The following KAT2B variants were observed in gnomAD, a reference collection of about 807,000 sequenced individuals.
The protein encoded by KAT2B is histone acetyltransferase KAT2B.
Under a neutral mutation model 105.9 loss-of-function variants are expected in KAT2B, and 36 were observed. That is an observed-to-expected ratio of 0.34 (90% CI 0.26 to 0.45). The LOEUF is 0.45. KAT2B is among the 20% of genes least tolerant of loss of function. The pLI is 1.00. For missense variants in KAT2B, 820 were observed against 1,021.6 expected (o/e 0.80, Z 2.69); for synonymous variants, 397 against 377.9 (o/e 1.05, Z -0.59).
intron 1 of KAT2B, among the ~76,000 whole-genome samples, chr3:20,053,484 G>A (rs979704729): frequency 6.6e-5 from 10 of 152,200 alleles, no homozygotes; most frequent in Non-Finnish European, 5.9e-5. Flanking sequence ...GTGGTGAGCC[G>A]TGAGTGTGCT....
intron 2 of KAT2B, among the ~76,000 whole-genome samples, chr3:20,089,198 T>G (rs1180019043): frequency 2.6e-5 from 4 of 152,190 alleles, no homozygotes; most frequent in African/African-American, 4.8e-5. Context: ...TCAAGATTGC[T>G]TTGGCTATTT....
At chr3:20,083,394 A>G (rs546257167) in intron 2 of KAT2B, among the ~76,000 whole-genome samples, 2 of 152,232 alleles carry the variant, frequency 1.3e-5, no homozygotes, top group Non-Finnish European at 2.9e-5. Flanking sequence ...TTCTTTTAAT[A>G]ATGAATGACT....
intron 5 of KAT2B, among the ~76,000 whole-genome samples, chr3:20,103,817 G>A (rs1308611573): frequency 6.6e-6 from 1 of 152,196 alleles, no homozygotes; most frequent in Non-Finnish European, 1.5e-5. Context: ...AAATTGGTTT[G>A]GATGAGTGCT....
intron 8 of KAT2B, among the ~76,000 whole-genome samples, chr3:20,121,732 A>ATGTGTGTGTG (rs3840188): frequency 1.7e-4 from 19 of 109,850 alleles, no homozygotes; most frequent in African/African-American, 3.4e-4. Context: ...ACATATGCAT[A>ATGTGTGTGTG]TGTGTGTGTG....
Position 20,148,398 on chromosome 3 carries a change from C to A in KAT2B, c.2221-5C>A, listed in dbSNP as rs1699814410. 1 of 1,609,648 alleles carries A rather than the reference C, an allele frequency of 6.2e-7. No homozygotes were observed. The highest frequency in any genetic ancestry group is 1.3e-5 in the African/African-American group (1 of 74,440). The stretch of plus-strand genomic sequence containing the variant: ...TTAGATACCTTACTTTTTTCTTTAC[C>A]CAAGAGCCATCAAAGCGCTTGGCCC... On this transcript the variant is annotated splice_region_variant and splice_polypyrimidine_tract_variant and intron_variant, in intron 16 of 17. Coordinates refer to ENST00000263754, the MANE Select transcript of KAT2B (RefSeq NM_003884.5).
In KAT2B at chr3:20,101,391, G is replaced by A; in HGVS notation, c.774G>A (p.Trp258Ter). 6.2e-7 allele frequency: 1 copy of A among 1,614,018 alleles called. No homozygotes were observed. ...TGTTCCTAAACCGCATCAACTATTGGCATCTGGAGGCACCATCTCAACGAA... is the reference window on the plus strand; with the variant it reads ...TGTTCCTAAACCGCATCAACTATTGACATCTGGAGGCACCATCTCAACGAA... ...AKMFLNRINY[W>*]HLEAPSQRRL... Residue 258 changes from tryptophan to a stop codon, truncating the protein, a stop_gained, in exon 5 of 18, where the codon TGG becomes TGA. Coordinates refer to ENST00000263754, the MANE Select transcript of KAT2B (RefSeq NM_003884.5). LOFTEE classifies it high-confidence loss of function.
intron 1 of KAT2B, among the ~76,000 whole-genome samples, chr3:20,053,305 G>T (rs572656547): frequency 6.6e-6 from 1 of 152,280 alleles, no homozygotes; most frequent in African/African-American, 2.4e-5. Context: ...GGTGGCCAAG[G>T]TGGGCAGATT....
chr3:20,047,721 G>T (rs1697839924), intron 1 of KAT2B, among the ~76,000 whole-genome samples: 2 of 146,940 alleles, frequency 1.4e-5, no homozygotes, highest in Admixed American at 1.4e-4. Flanking sequence ...CAAGCAATTT[G>T]CCTGCCTCAG....
At chr3:20,055,652 G>T (rs1697992414) in intron 1 of KAT2B, among the ~76,000 whole-genome samples, 1 of 152,048 alleles carries the variant, frequency 6.6e-6, no homozygotes, top group African/African-American at 2.4e-5. Flanking sequence ...GGGTATGAGT[G>T]TAGGAGATTA....
chr3:20,080,841 A>G lies in KAT2B; in HGVS notation c.430+8382A>G, dbSNP rs375064127. Among the ~76,000 whole-genome samples the G allele has an allele frequency of 3.9e-4, 59 of 152,350 alleles. No individual in the cohort carries two copies. In the East Asian group the frequency reaches 0.011, roughly 27 times the overall value. On this transcript the variant is annotated intron_variant, in intron 2 of 17. Coordinates refer to ENST00000263754, the MANE Select transcript of KAT2B (RefSeq NM_003884.5). Reference sequence around the variant, plus strand: ...ATATTGCATACGTATTGAAAGAATAATACTTTGGTATATATTAGGTTAAAT... The same window carrying G: ...ATATTGCATACGTATTGAAAGAATAGTACTTTGGTATATATTAGGTTAAAT...
At chr3:20,152,274 T>G in intron 17 of KAT2B, 58 bp from the exon 18 acceptor site, 3 of 1,204,932 alleles carry the variant, frequency 2.5e-6, no homozygotes, top group Admixed American at 2.0e-5. Context: ...AGTCCCAGTT[T>G]TGTCAGCTGG....
At chr3:20,127,605 GGCCTGCAGA>G in intron 11 of KAT2B, 56 bp downstream of exon 11, 1 of 1,530,946 alleles carries the variant, frequency 6.5e-7, no homozygotes, top group South Asian at 1.2e-5. Context: ...TTCTCACTAA[GGCCTGCAGA>G]GCTTGGGAAG....
At chr3:20,126,220 CT>C in intron 10 of KAT2B, 107 bp downstream of exon 10, 1 of 863,768 alleles carries the variant, frequency 1.2e-6, no homozygotes, top group Non-Finnish European at 1.8e-6. Flanking sequence ...ACTACTGCAC[CT>C]GTCTTGCTGT....
rs1251347698 is a variant in KAT2B, at chr3:20,062,121, C to T, written c.304-10212C>T. ...AACATATAATATATATTATATAAAA[C>T]ATATATATATAAAATATATAATATA... On this transcript the variant is annotated intron_variant, in intron 1 of 17. Transcript: ENST00000263754. Among the ~76,000 whole-genome samples, 5 of 54,090 alleles carry T rather than the reference C, an allele frequency of 9.2e-5. 1 individual carries two copies. The highest frequency in any genetic ancestry group is 6.1e-4 in the Admixed American group (2 of 3,294). 35.5% of individuals were successfully genotyped at this position (54,090 alleles called of 152,430 possible).
chr3:20,144,716 G>T (rs1415473921), intron 13 of KAT2B, among the ~76,000 whole-genome samples: 1 of 151,774 alleles, frequency 6.6e-6, no homozygotes, highest in Non-Finnish European at 1.5e-5. Flanking sequence ...GCCACATGTG[G>T]CTACTGAGGA....
intron 2 of KAT2B, among the ~76,000 whole-genome samples, chr3:20,081,971 G>T (rs1698529002): frequency 6.6e-6 from 1 of 150,530 alleles, no homozygotes; most frequent in South Asian, 2.1e-4. Flanking sequence ...AACTATATGA[G>T]AATAAGTTAC....
intron 8 of KAT2B, among the ~76,000 whole-genome samples, chr3:20,119,973 T>C (rs560376745): frequency 6.6e-6 from 1 of 152,360 alleles, no homozygotes; most frequent in Admixed American, 6.5e-5. Context: ...TCAGCTAGTC[T>C]CACTCAATCT....
intron 5 of KAT2B, among the ~76,000 whole-genome samples, chr3:20,103,376 A>G (rs1444649536): frequency 6.6e-6 from 1 of 152,152 alleles, no homozygotes; most frequent in African/African-American, 2.4e-5. Flanking sequence ...ATTGTGAAGC[A>G]GCTTGGGAGA....
chr3:20,072,462 G>A lies in KAT2B; in HGVS notation c.430+3G>A. On this transcript the variant is annotated splice_donor_region_variant and intron_variant, in intron 2 of 17. Transcript: ENST00000263754. ...TCGGAGTTGTAGCCATGCCCTAGGTGAGTTCCTAAATCTTCAAGGAAAGTA... is the reference window on the plus strand; with the variant it reads ...TCGGAGTTGTAGCCATGCCCTAGGTAAGTTCCTAAATCTTCAAGGAAAGTA... 1 of 1,613,410 alleles carries A rather than the reference G, an allele frequency of 6.2e-7. No homozygotes were observed. Among genetic ancestry groups the A allele is most frequent in the South Asian group, 1.1e-5 (1 of 91,042 alleles).
Sources: gnomAD v4.1 joint callset for allele counts (sites outside exome capture counted in the v4.1 genomes callset) on GRCh38, gnomAD v4.1.1 for gene constraint, MANE v1.5 for transcripts, NCBI Gene and HGNC (gene_info 2026-07-23, HGNC 2026-07-21) for gene names.